The following GNL2 variants were observed in gnomAD, a reference collection of about 807,000 sequenced individuals.
GNL2 encodes G protein nucleolar 2.
GNL2 carries 51 observed loss-of-function variants against 92.3 expected under a neutral mutation model. The ratio of observed to expected loss-of-function variants is 0.55; its 90% CI spans 0.44 to 0.70. The LOEUF is 0.70. Ranked by LOEUF, GNL2 falls within the 30% of genes least tolerant of loss-of-function variation. The probability of loss-of-function intolerance (pLI) is 0.00; values close to 1 mark genes in which losing one functional copy is unlikely to be tolerated. For missense variants in GNL2, 844 were observed against 895.6 expected, an observed-to-expected ratio of 0.94 and a Z score of 0.74; for synonymous variants, 283 against 300.6, an observed-to-expected ratio of 0.94 and a Z score of 0.61.
intron 8 of GNL2, among the ~76,000 whole-genome samples, chr1:37,579,887 C>T (rs1166922217): frequency 2.8e-5 from 3 of 108,956 alleles, no homozygotes; most frequent in South Asian, 3.2e-4. Context: ...AAGAGTGAGA[C>T]TCTGCCTCAA....
rs1383004987 is a variant in GNL2, at chr1:37,590,706, A to G, written c.384T>C (p.His128=). The G allele has an allele frequency of 6.2e-7, 1 of 1,613,150 alleles. No homozygotes were observed. ...TCACCAGGGATATCCTACATCTTAC[A>G]TGAGGCCGGATTCGATCATGGAGAA... is the stretch of plus-strand genomic sequence containing the variant. ...MSLLHDRIRP[H]NLKVHILDTE... is the part of the protein sequence containing the mutation. Residue 128 remains histidine (H), a splice_region_variant and synonymous_variant, in exon 4 of 16, where the codon CAT becomes CAC. Transcript: ENST00000373062.
chr1:37,584,603 G>C (rs575762017), intron 5 of GNL2, among the ~76,000 whole-genome samples: 1 of 152,116 alleles, frequency 6.6e-6, no homozygotes, highest in South Asian at 2.1e-4. Flanking sequence ...ACCTAAACCA[G>C]TCAAATTCAT....
At chr1:37,581,539 G>A (rs1643767161) in intron 8 of GNL2, 2 of 456,086 alleles carry the variant, frequency 4.4e-6, no homozygotes, top group Non-Finnish European at 4.4e-6. Context: ...AACGTCAGGT[G>A]CCAGGGCTGT....
chr1:37,588,089 A>G (rs112494864), intron 4 of GNL2, among the ~76,000 whole-genome samples: 2,781 of 152,264 alleles, frequency 0.018, 92 homozygotes, highest in African/African-American at 0.064. Context: ...TTAAATGCAC[A>G]TGGCAAGTCT....
Position 37,574,830 on chromosome 1 carries a change from G to A in GNL2, c.1144-7C>T, listed in dbSNP as rs1643653250. 1.0e-5 allele frequency: 16 copies of A among 1,600,154 alleles called. No individual in the cohort carries two copies. In the East Asian group the frequency reaches 3.6e-4, roughly 36 times the overall value. ...TAATTTTTTCTACTTGAACCTAAAT[G>A]TTAATAGGAAATCTCTCACTTACAA... On this transcript the variant is annotated splice_polypyrimidine_tract_variant and splice_region_variant and intron_variant, in intron 10 of 15. Coordinates refer to ENST00000373062, the MANE Select transcript of GNL2 (RefSeq NM_013285.3).
chr1:37,579,895 C>CAAAAA (rs34353424), intron 8 of GNL2, among the ~76,000 whole-genome samples: 2,257 of 73,718 alleles, frequency 0.031, 48 homozygotes, highest in Non-Finnish European at 0.048. Flanking sequence ...GACTCTGCCT[C>CAAAAA]AAAAAAAAAA....
chr1:37,569,382 A>C lies in GNL2; in HGVS notation c.1417-80T>G, dbSNP rs563328101. On this transcript the variant is annotated intron_variant, in intron 12 of 15. Coordinates refer to ENST00000373062, the MANE Select transcript of GNL2 (RefSeq NM_013285.3). ...ATTTCTGAACTCATATCTTGCTCTT[A>C]AACAGTCCTCTTCTCAGGACTAAGG... is the stretch of plus-strand genomic sequence containing the variant. The C allele has an allele frequency of 1.4e-4, 127 of 918,086 alleles. No homozygotes were observed. The Middle Eastern group carries it at 4.8e-3, about 35-fold the overall frequency. 56.9% of individuals were successfully genotyped at this position (918,086 alleles called of 1,614,324 possible).
intron 12 of GNL2, chr1:37,570,080 G>A (rs1643570887): frequency 6.6e-6 from 1 of 152,306 alleles, no homozygotes; most frequent in East Asian, 1.9e-4. Flanking sequence ...CCAGTCTCAT[G>A]TATTTCTTCA....
At chr1:37,577,444 C>T (rs1643696806) in intron 8 of GNL2, among the ~76,000 whole-genome samples, 1 of 152,168 alleles carries the variant, frequency 6.6e-6, no homozygotes, top group Non-Finnish European at 1.5e-5. Context: ...CCCGTTCCCT[C>T]ACCAACTCCA....
intron 6 of GNL2, chr1:37,583,222 C>G: frequency 4.5e-6 from 1 of 222,406 alleles, no homozygotes; most frequent in Non-Finnish European, 8.7e-6. Flanking sequence ...TCATTTACTT[C>G]TTAGACTTCT....
Position 37,567,141 on chromosome 1 carries a change from C to G in GNL2, c.2044-134G>C, listed in dbSNP as rs1643517008. The G allele has an allele frequency of 7.8e-6, 7 of 897,302 alleles. No homozygotes were observed. In the East Asian group the frequency reaches 1.8e-4, roughly 24 times the overall value. The allele number at this position is 897,302 out of a possible 1,614,324, so 55.6% of individuals were successfully genotyped here. On this transcript the variant is annotated intron_variant, in intron 15 of 15. Coordinates refer to ENST00000373062, the MANE Select transcript of GNL2 (RefSeq NM_013285.3). ...GCTTCCACAGCTACTGGAAGCAGTG[C>G]TAATGAGGGAGGGCTCCCCCGTAGA...
intron 4 of GNL2, among the ~76,000 whole-genome samples, chr1:37,587,874 T>C (rs1042228427): frequency 6.6e-6 from 1 of 152,228 alleles, no homozygotes; most frequent in African/African-American, 2.4e-5. Flanking sequence ...TTTTTATAGC[T>C]TTCAAACAAG....
intron 4 of GNL2, among the ~76,000 whole-genome samples, chr1:37,587,935 A>G (rs919574412): frequency 1.3e-5 from 2 of 152,166 alleles, no homozygotes; most frequent in African/African-American, 4.8e-5. Context: ...ATCATACTCA[A>G]ATTTGTGAGT....
intron 12 of GNL2, among the ~76,000 whole-genome samples, chr1:37,572,292 G>A (rs755137514): frequency 3.9e-5 from 6 of 152,128 alleles, no homozygotes; most frequent in Admixed American, 2.6e-4. Context: ...AATTTCCCAA[G>A]CGATGGGTAT....
Position 37,569,206 on chromosome 1 carries a change from T to C in GNL2, c.1513A>G (p.Ile505Val), listed in dbSNP as rs1209312973. 4.3e-6 allele frequency: 7 copies of C among 1,613,912 alleles called. No individual in the cohort carries two copies. Among genetic ancestry groups the C allele is most frequent in the Non-Finnish European group, 5.9e-6 (7 of 1,179,898 alleles). Residue 505 changes from isoleucine (I) to valine (V), a missense_variant, in exon 13 of 16, where the codon ATC (isoleucine) becomes GTC (valine). Transcript: ENST00000373062. ...TETAGEGSES[I>V]IKEETEENSH... ...TTCTCTTCTGTTTCTTCCTTAATGA[T>C]GGATTCTGACCCTTCACCTGCAGTT...
intron 11 of GNL2, 99 bp from the exon 12 acceptor site, chr1:37,574,555 A>C: frequency 7.2e-7 from 1 of 1,383,276 alleles, no homozygotes; most frequent in Non-Finnish European, 1.0e-6. Context: ...ATCATCACTT[A>C]AGTGACAAGT....
chr1:37,584,972 C>T (rs1445169253), intron 5 of GNL2, among the ~76,000 whole-genome samples: 1 of 150,974 alleles, frequency 6.6e-6, no homozygotes, highest in Non-Finnish European at 1.5e-5. Context: ...ATCCCAGCCA[C>T]TCGGGAGGCT....
At chr1:37,590,989 A>T (rs557787405) in intron 3 of GNL2, 144 bp from the exon 4 acceptor site, 1 of 720,086 alleles carries the variant, frequency 1.4e-6, no homozygotes, top group African/African-American at 1.8e-5. Context: ...TTTCAAACTT[A>T]AAAGAGGAAA....
rs1643661617 is a variant in GNL2, at chr1:37,575,345, T to A, written c.1143+250A>T. Among the ~76,000 whole-genome samples, 1 of 152,196 alleles carries A rather than the reference T, an allele frequency of 6.6e-6. No homozygotes were observed. Among genetic ancestry groups the A allele is most frequent in the Non-Finnish European group, 1.5e-5 (1 of 68,032 alleles). Reference sequence around the variant, plus strand: ...TCGCTAAGCATAAACAGGCCCTGCTTCCCTTTGGATCCTGTGTGTAAACTA... The same window carrying A: ...TCGCTAAGCATAAACAGGCCCTGCTACCCTTTGGATCCTGTGTGTAAACTA... On this transcript the variant is annotated intron_variant, in intron 10 of 15. Transcript: ENST00000373062. The surrounding 1 kb of genome is among the most constrained non-coding windows in gnomAD (Gnocchi z 4.1).
Sources: allele counts gnomAD v4.1 joint callset (sites outside exome capture counted in the v4.1 genomes callset), GRCh38; gene constraint gnomAD v4.1.1; non-coding constraint Gnocchi (gnomAD v3.1); transcripts MANE v1.5; gene names NCBI Gene and HGNC (gene_info 2026-07-23, HGNC 2026-07-21).